The following MACROD2 variants were observed in gnomAD, a reference collection of about 807,000 sequenced individuals.
MACROD2 encodes ADP-ribose glycohydrolase MACROD2.
In MACROD2, 36 loss-of-function variants were observed where a neutral mutation model predicts 70.4. That is an observed-to-expected ratio of 0.51 (90% confidence interval 0.39 to 0.68). MACROD2 has a LOEUF of 0.68. MACROD2 is among the 30% of genes least tolerant of loss of function. The probability of loss-of-function intolerance (pLI) is 0.00; values close to 1 mark genes in which losing one functional copy is unlikely to be tolerated. For missense variants in MACROD2, 496 were observed against 538.4 expected, an observed-to-expected ratio of 0.92 and a Z score of 0.78; for synonymous variants, 172 against 178.8, an observed-to-expected ratio of 0.96 and a Z score of 0.30.
chr20:14,193,022 G>C (rs950950654), intron 3 of MACROD2, among the ~76,000 whole-genome samples: 2 of 152,198 alleles, frequency 1.3e-5, no homozygotes, highest in Non-Finnish European at 2.9e-5. Flanking sequence ...CTTTGCCTAG[G>C]AGCATCCTCA....
At chr20:14,035,732 T>G (rs2053298936) in intron 2 of MACROD2, among the ~76,000 whole-genome samples, 1 of 152,238 alleles carries the variant, frequency 6.6e-6, no homozygotes, top group Non-Finnish European at 1.5e-5. Flanking sequence ...TAAAGCCTAT[T>G]CAAACCTTTA....
intron 3 of MACROD2, among the ~76,000 whole-genome samples, chr20:14,086,673 C>G (rs2054079960): frequency 6.6e-6 from 1 of 152,110 alleles, no homozygotes; most frequent in Non-Finnish European, 1.5e-5. Context: ...AGGAGAGGAG[C>G]CTGACTAAAG....
chr20:14,967,809 A>G (rs1215593243), intron 5 of MACROD2, among the ~76,000 whole-genome samples: 2 of 152,116 alleles, frequency 1.3e-5, no homozygotes, highest in Non-Finnish European at 2.9e-5. Context: ...AGCTTTCCTA[A>G]TGACTCAGGG....
chr20:14,734,552 A>AC (rs1008665634), intron 5 of MACROD2, among the ~76,000 whole-genome samples: 4 of 151,258 alleles, frequency 2.6e-5, no homozygotes, highest in African/African-American at 9.7e-5. Flanking sequence ...AAAGCAAAAA[A>AC]AAAAACAACC....
chr20:15,593,714 C>A (rs1030638822), intron 8 of MACROD2, among the ~76,000 whole-genome samples: 14 of 152,176 alleles, frequency 9.2e-5, no homozygotes, highest in African/African-American at 3.4e-4. Flanking sequence ...ATTTTGCTTT[C>A]ATCTGAATAG....
chr20:15,207,747 G>T (rs1221522947), intron 5 of MACROD2, among the ~76,000 whole-genome samples: 1 of 151,926 alleles, frequency 6.6e-6, no homozygotes, highest in Admixed American at 6.6e-5. Flanking sequence ...GACCCCTCTG[G>T]CCCCCATTAC....
At chr20:15,891,563 T>C (rs191508230) in intron 10 of MACROD2, among the ~76,000 whole-genome samples, 24 of 152,308 alleles carry the variant, frequency 1.6e-4, no homozygotes, top group Admixed American at 6.5e-4. Context: ...TGGGCTACTG[T>C]GGTGATTCCA....
At chr20:15,592,280 T>G (rs939809077) in intron 8 of MACROD2, among the ~76,000 whole-genome samples, 3 of 152,206 alleles carry the variant, frequency 2.0e-5, no homozygotes, top group African/African-American at 7.2e-5. Context: ...AAATAATCAC[T>G]TCTATTGTTA....
At chr20:14,681,909 G>A (rs1054619835) in intron 4 of MACROD2, among the ~76,000 whole-genome samples, 12 of 152,282 alleles carry the variant, frequency 7.9e-5, no homozygotes, top group Non-Finnish European at 5.9e-5. Flanking sequence ...CTTTGTGAAT[G>A]TAAGCAAGTT....
intron 6 of MACROD2, among the ~76,000 whole-genome samples, chr20:15,401,385 A>G (rs2045928763): frequency 1.3e-5 from 2 of 152,206 alleles, no homozygotes; most frequent in Admixed American, 6.5e-5. Context: ...CAGAGCAACT[A>G]TCTTTCACGG....
intron 5 of MACROD2, among the ~76,000 whole-genome samples, chr20:15,024,319 C>T (rs2075213175): frequency 6.6e-6 from 1 of 151,926 alleles, no homozygotes; most frequent in East Asian, 1.9e-4. Context: ...AATTAAGCAG[C>T]TTTAAAATCA....
intron 6 of MACROD2, among the ~76,000 whole-genome samples, chr20:15,237,877 G>A (rs886085407): frequency 1.3e-5 from 2 of 151,978 alleles, no homozygotes; most frequent in African/African-American, 4.8e-5. Context: ...TTATCTGCCC[G>A]CTTGGGCAGG....
At chr20:15,424,446 A>C (rs2046271168) in intron 6 of MACROD2, among the ~76,000 whole-genome samples, 1 of 152,202 alleles carries the variant, frequency 6.6e-6, no homozygotes, top group African/African-American at 2.4e-5. Context: ...GGCCAAGCAC[A>C]GTGGCTCATG....
At chr20:15,584,007 T>C (rs769997616) in intron 8 of MACROD2, among the ~76,000 whole-genome samples, 6 of 152,250 alleles carry the variant, frequency 3.9e-5, no homozygotes, top group Non-Finnish European at 8.8e-5. Context: ...TGCTCTGCCA[T>C]TCTGGATTTA....
At chr20:14,624,882 T>C (rs1984044766) in intron 4 of MACROD2, among the ~76,000 whole-genome samples, 1 of 152,208 alleles carries the variant, frequency 6.6e-6, no homozygotes, top group African/African-American at 2.4e-5. Context: ...ACTACCTCAT[T>C]CAAAGGTGCC....
At chr20:15,999,020 T>C (rs560019908) in intron 15 of MACROD2, among the ~76,000 whole-genome samples, 1 of 152,282 alleles carries the variant, frequency 6.6e-6, no homozygotes, top group Non-Finnish European at 1.5e-5. Flanking sequence ...GTCCTAAATT[T>C]TTACCATTTT....
chr20:15,582,707 G>T (rs1169594997), intron 8 of MACROD2, among the ~76,000 whole-genome samples: 1 of 152,122 alleles, frequency 6.6e-6, no homozygotes, highest in Non-Finnish European at 1.5e-5. Context: ...TAGCCTTCCT[G>T]TCTTTTTGCA....
chr20:14,364,738 G>A (rs2083256413), intron 3 of MACROD2, among the ~76,000 whole-genome samples: 1 of 151,964 alleles, frequency 6.6e-6, no homozygotes, highest in African/African-American at 2.4e-5. Flanking sequence ...GCTTTTTTTC[G>A]TTAGCATAAC....
At chr20:14,033,352 A>AT (rs1313400331) in intron 2 of MACROD2, among the ~76,000 whole-genome samples, 13 of 151,832 alleles carry the variant, frequency 8.6e-5, no homozygotes, top group Non-Finnish European at 1.6e-4. Flanking sequence ...TTCTTTATAT[A>AT]TTTTGATAAT....
Sources: allele counts gnomAD v4.1 joint callset (sites outside exome capture counted in the v4.1 genomes callset), GRCh38; gene constraint gnomAD v4.1.1; transcripts MANE v1.5; gene names NCBI Gene and HGNC (gene_info 2026-07-23, HGNC 2026-07-21).